Variants in MYH1 observed in about 807,000 individuals in gnomAD.
The protein encoded by MYH1 is myosin-1.
Under a neutral mutation model 225.6 loss-of-function variants are expected in MYH1, and 214 were observed. That is an observed-to-expected ratio of 0.95 (90% CI 0.85 to 1.06). The LOEUF (loss-of-function observed/expected upper bound fraction) is 1.06. MYH1 is among the 50% of genes least tolerant of loss of function. MYH1 has a pLI of 0.00. For missense variants in MYH1, 2,098 were observed against 2,344.2 expected (o/e 0.89, Z 2.17); for synonymous variants, 774 against 842.3 (o/e 0.92, Z 1.40).
Position 10,492,429 on chromosome 17 carries a change from A to G in MYH1, c.5807T>C (p.Ile1936Thr). ...VKSREVHTKI[I>T]SEE ...CAGTTAGATAAATTACTCTTCACTT[A>G]TGATTTTTGTGTGAACCTCCCTGCT... is the stretch of plus-strand genomic sequence containing the variant. Residue 1936 changes from isoleucine to threonine, a missense_variant, in exon 40 of 40, where the codon ATA (isoleucine) becomes ACA (threonine). Transcript: ENST00000226207. 1.2e-6 allele frequency: 2 copies of G among 1,613,830 alleles called. No homozygotes were observed. Among genetic ancestry groups the G allele is most frequent in the Non-Finnish European group, 1.7e-6 (2 of 1,179,960 alleles).
chr17:10,494,328 A>T, intron 39 of MYH1, 26 bp downstream of exon 39: 1 of 1,599,422 alleles, frequency 6.3e-7, no homozygotes, highest in Non-Finnish European at 8.5e-7. Flanking sequence ...TCTGAGAAAA[A>T]TCACCCCAAG....
At chr17:10,518,189 A>C (rs1454698000) in intron 2 of MYH1, 51 bp downstream of exon 2, 1 of 152,140 alleles carries the variant, frequency 6.6e-6, no homozygotes, top group Non-Finnish European at 1.5e-5. Flanking sequence ...CCACTGCAGA[A>C]GATTCCTTGC....
At chr17:10,508,011 T>C in intron 16 of MYH1, 55 bp from the exon 17 acceptor site, 2 of 1,310,356 alleles carry the variant, frequency 1.5e-6, no homozygotes, top group Non-Finnish European at 2.1e-6. Flanking sequence ...TATGGTTTTT[T>C]TTTTTTGTTT....
chr17:10,499,873 T>A (rs1344161111), intron 28 of MYH1, among the ~76,000 whole-genome samples: 1 of 152,188 alleles, frequency 6.6e-6, no homozygotes, highest in Non-Finnish European at 1.5e-5. Flanking sequence ...GCCTATTACT[T>A]TAATAGCCTA....
In MYH1 at chr17:10,502,628, T is replaced by G; in HGVS notation, c.3111+110A>C. The G allele has an allele frequency of 4.0e-6, 6 of 1,498,966 alleles. No individual in the cohort carries two copies. In the South Asian group the frequency reaches 7.2e-5, roughly 18 times the overall value. The allele number at this position is 1,498,966 out of a possible 1,614,324, so 92.9% of individuals were successfully genotyped here. ...TAGGGATGATGTTCCATATTCCTCA[T>G]TCATAGGAGGCACTTGATAAGTACT... On this transcript the variant is annotated intron_variant, in intron 24 of 39. Transcript: ENST00000226207.
Position 10,515,989 on chromosome 17 carries a change from G to A in MYH1, c.442C>T (p.Arg148Cys), listed in dbSNP as rs201587697. 103 of 1,614,174 alleles carry A rather than the reference G, an allele frequency of 6.4e-5. 1 individual carries two copies. Among genetic ancestry groups the A allele is most frequent in the African/African-American group, 2.4e-4 (18 of 75,038 alleles). The change falls in exon 5 of 40, where the codon CGC (arginine) becomes TGC (cysteine). Residue 148 changes from arginine to cysteine, a missense_variant. Coordinates refer to ENST00000226207, the MANE Select transcript of MYH1 (RefSeq NM_005963.4). ...EVVTAYRGKK[R>C]QEAPPHIFSI... is the part of the protein sequence containing the mutation. ...AAGATGTGGGGTGGGGCCTCCTGGC[G>A]CTTTTTGCCTCGGTAGGCTGTCACC... is the stretch of plus-strand genomic sequence containing the variant.
At position 10,500,651 on chromosome 17, in the gene MYH1, CTG is replaced by C; in HGVS notation, c.3838_3839del (p.Gln1280GlufsTer10). 6.2e-7 allele frequency: 1 copy of C among 1,613,840 alleles called. No individual in the cohort carries two copies. On this transcript the variant is annotated frameshift_variant, in exon 28 of 40. Transcript: ENST00000226207. LOFTEE classifies it high-confidence loss of function. ...CTGATTCTGTTTGCAGGCGCGCTCT[CTG>C]TGCTGTGAGGTCATTGATCAGCCGC... ...QQRLINDLTA[Q>X]RARLQTESGE...
intron 6 of MYH1, 102 bp from the exon 7 acceptor site, chr17:10,514,226 T>A: frequency 7.4e-7 from 1 of 1,352,296 alleles, no homozygotes; most frequent in Non-Finnish European, 1.0e-6. Flanking sequence ...GCCTTTTACA[T>A]CTTTCTTTTC....
chr17:10,498,232 T>C (rs970275509), intron 30 of MYH1, among the ~76,000 whole-genome samples: 1 of 152,242 alleles, frequency 6.6e-6, no homozygotes, highest in Non-Finnish European at 1.5e-5. Flanking sequence ...CTTGAATTAC[T>C]GGTTTGTTTT....
Position 10,514,894 on chromosome 17 carries a change from A to C in MYH1, c.507T>G (p.Asp169Glu), listed in dbSNP as rs2073210069. The change falls in exon 6 of 40, where the codon GAT becomes GAG. Residue 169 changes from aspartate (D) to glutamate (E), a missense_variant and splice_region_variant. Physicochemically the swap from Asp to Glu is conservative, Grantham distance 45. Coordinates refer to ENST00000226207, the MANE Select transcript of MYH1 (RefSeq NM_005963.4). ...SDNAYQFMLT[D>E]RENQSILITG... ...TGATCAAGATAGACTGATTCTCCCG[A>C]TCTAGAAGAAAAACAGTGGAAAATC... The C allele has an allele frequency of 2.5e-6, 4 of 1,612,648 alleles. No individual in the cohort carries two copies. The highest frequency in any genetic ancestry group is 2.2e-5 in the East Asian group (1 of 44,792).
Position 10,501,744 on chromosome 17 carries a change from C to T in MYH1, c.3257+22G>A, listed in dbSNP as rs145628279. On this transcript the variant is annotated intron_variant, in intron 25 of 39. Coordinates refer to ENST00000226207, the MANE Select transcript of MYH1 (RefSeq NM_005963.4). ...TATTAAGAGTAATTTCCCCACAAAA[C>T]TGTTGACCTAAAACTGCTTACTTTT... 2.6e-3 allele frequency: 4,196 copies of T among 1,613,962 alleles called. 9 individuals are homozygous for T. Among genetic ancestry groups the T allele is most frequent in the Non-Finnish European group, 3.0e-3 (3,484 of 1,179,944 alleles).
rs28511283 is a variant in MYH1 at position 10,506,214 on chromosome 17, G to C, written c.1969-115C>G. 1.1e-3 allele frequency: 1,444 copies of C among 1,342,602 alleles called. 16 individuals carry two copies. The African/African-American group carries it at 0.019, about 18-fold the overall frequency. The allele number at this position is 1,342,602 out of a possible 1,614,324, so 83.2% of individuals were successfully genotyped here. A position where few individuals can be genotyped will look rare whatever the true frequency, so the allele number is the denominator to read the frequency against. On this transcript the variant is annotated intron_variant, in intron 17 of 39. Transcript: ENST00000226207. Reference sequence around the variant, plus strand: ...GTTTAATTCTAATGAATAGTATCCAGATGAAAATTTTCAAAGAGTTATCTC... The same window carrying C: ...GTTTAATTCTAATGAATAGTATCCACATGAAAATTTTCAAAGAGTTATCTC...
In MYH1 at chr17:10,497,287, G is replaced by A. The variant is rs758051881; in HGVS notation, c.4531C>T (p.Gln1511Ter). The A allele has an allele frequency of 3.2e-5, 51 of 1,597,826 alleles. No individual in the cohort carries two copies. The highest frequency in any genetic ancestry group is 3.8e-5 in the Non-Finnish European group (45 of 1,175,812). Residue 1511 changes from glutamine to a stop codon, truncating the protein, a stop_gained and splice_region_variant, in exon 32 of 40, where the codon CAG becomes TAG. Coordinates refer to ENST00000226207, the MANE Select transcript of MYH1 (RefSeq NM_005963.4). LOFTEE classifies it high-confidence loss of function. ...TAAAGAAAAGGTAAAATGTTCTCAC[G>A]TTGCAAATTCTTATTTTCCCGTTTC... ...TLKRENKNLQ[Q>*]EISDLTEQIA...
chr17:10,494,486 T>C (rs758785803), intron 38 of MYH1, 37 bp from the exon 39 acceptor site: 2 of 1,610,940 alleles, frequency 1.2e-6, no homozygotes, highest in African/African-American at 1.3e-5. Context: ...TTCTTGAAAG[T>C]ACAAATATTA....
intron 14 of MYH1, among the ~76,000 whole-genome samples, chr17:10,510,129 A>T (rs1036384015): frequency 6.6e-6 from 1 of 152,080 alleles, no homozygotes; most frequent in African/African-American, 2.4e-5. Context: ...AAACCTTCAC[A>T]TGGACCCCTG....
chr17:10,515,690 ATTAAAC>A (rs2073218263), intron 5 of MYH1, among the ~76,000 whole-genome samples: 2 of 152,206 alleles, frequency 1.3e-5, no homozygotes, highest in African/African-American at 4.8e-5. Flanking sequence ...CCATAAACAA[ATTAAAC>A]TTAATGGGAT....
intron 3 of MYH1, 33 bp downstream of exon 3, chr17:10,516,406 A>G (rs2142282479): frequency 1.2e-6 from 2 of 1,614,228 alleles, no homozygotes; most frequent in East Asian, 4.5e-5. Flanking sequence ...AAAATGAGGC[A>G]GAGTCTAATC....
At chr17:10,504,672 A>G (rs2073091275) in intron 22 of MYH1, 138 bp downstream of exon 22, 3 of 1,029,632 alleles carry the variant, frequency 2.9e-6, no homozygotes, top group South Asian at 1.7e-5. Flanking sequence ...AGGGAATTCT[A>G]TAGAACATTC....
chr17:10,516,483 T>C lies in MYH1; in HGVS notation c.160A>G (p.Ser54Gly). 3 of 1,614,218 alleles carry C rather than the reference T, an allele frequency of 1.9e-6. No individual in the cohort carries two copies. The highest frequency in any genetic ancestry group is 2.2e-5 in the South Asian group (2 of 91,078). Residue 54 changes from serine (S) to glycine (G), a missense_variant, in exon 3 of 40, where the codon AGC becomes GGC. Transcript: ENST00000226207. ...GCTGTCACCTTCCCCCCTTCCCTGC[T>C]CTGCACTGTTGCTTTCACAAAGGAC... is the stretch of plus-strand genomic sequence containing the variant. Reference protein sequence around the residue: ...KESFVKATVQSREGGKVTAKT... With the variant: ...KESFVKATVQGREGGKVTAKT...
Sources: allele counts gnomAD v4.1 joint callset (sites outside exome capture counted in the v4.1 genomes callset), GRCh38; gene constraint gnomAD v4.1.1; transcripts MANE v1.5; gene names NCBI Gene and HGNC (gene_info 2026-07-23, HGNC 2026-07-21).